Variants in PDILT observed in about 807,000 individuals in gnomAD.
The protein encoded by PDILT is protein disulfide isomerase like, testis expressed.
In PDILT, 43 loss-of-function variants were observed where a neutral mutation model predicts 53.7. The observed-to-expected ratio is 0.80, with a 90% CI of 0.63 to 1.03. The LOEUF (loss-of-function observed/expected upper bound fraction) is 1.03. PDILT is among the 50% of genes least tolerant of loss of function. The probability of loss-of-function intolerance (pLI) is 0.00; values close to 1 mark genes in which losing one functional copy is unlikely to be tolerated. For missense variants in PDILT, 727 were observed against 712.3 expected, an observed-to-expected ratio of 1.02 and a Z score of -0.24; for synonymous variants, 282 against 274.2, an observed-to-expected ratio of 1.03 and a Z score of -0.28.
Position 20,396,015 on chromosome 16 carries a change from A to G in PDILT, c.202+3084T>C, listed in dbSNP as rs552992173. ...AACACAAACAGACAAAGACATCACC[A>G]TTAGCAGATTCTTAATTACTTGTAG... On this transcript the variant is annotated intron_variant, in intron 2 of 11. Transcript: ENST00000302451. 2.6e-5 allele frequency among the ~76,000 whole-genome samples: 4 copies of G among 152,368 alleles called. No individual in the cohort carries two copies. The East Asian group carries it at 7.7e-4, about 29-fold the overall frequency.
At chr16:20,370,696 T>TA (rs991552996) in intron 7 of PDILT, among the ~76,000 whole-genome samples, 2 of 152,172 alleles carry the variant, frequency 1.3e-5, no homozygotes, top group Admixed American at 6.5e-5. Context: ...TAGGTATTCT[T>TA]AGTCACAGAA....
chr16:20,374,380 T>C (rs1054301075), intron 5 of PDILT, among the ~76,000 whole-genome samples: 1 of 152,166 alleles, frequency 6.6e-6, no homozygotes, highest in Admixed American at 6.6e-5. Flanking sequence ...GCATCATTCC[T>C]GGAGCAAGAG....
chr16:20,382,754 T>C (rs1966478089), intron 3 of PDILT, among the ~76,000 whole-genome samples: 1 of 152,004 alleles, frequency 6.6e-6, no homozygotes, highest in African/African-American at 2.4e-5. Flanking sequence ...CTTTTCACCA[T>C]CCCCATTTAA....
chr16:20,369,138 G>A (rs1966263181), intron 8 of PDILT, among the ~76,000 whole-genome samples: 1 of 152,188 alleles, frequency 6.6e-6, no homozygotes, highest in South Asian at 2.1e-4. Context: ...CTCAAAGCAA[G>A]CATCTACTCT....
At chr16:20,394,507 G>A (rs1966640106) in intron 2 of PDILT, among the ~76,000 whole-genome samples, 1 of 152,190 alleles carries the variant, frequency 6.6e-6, no homozygotes, top group Non-Finnish European at 1.5e-5. Flanking sequence ...CACGGCTATA[G>A]GGCAGTGATC....
intron 10 of PDILT, among the ~76,000 whole-genome samples, chr16:20,360,896 C>A (rs899785650): frequency 6.6e-6 from 1 of 152,156 alleles, no homozygotes; most frequent in South Asian, 2.1e-4. Flanking sequence ...CACAGCAAAG[C>A]CTTAAACTTT....
intron 8 of PDILT, among the ~76,000 whole-genome samples, chr16:20,367,059 CTTTCTT>C (rs1966217480): frequency 8.9e-6 from 1 of 111,904 alleles, no homozygotes; most frequent in African/African-American, 3.7e-5. Flanking sequence ...TTCTTTCTTT[CTTTCTT>C]TCTTTCTTTC....
rs781187521 is a variant in PDILT, at chr16:20,359,385, C to A, written c.1689G>T (p.Val563=). 3.1e-6 allele frequency: 5 copies of A among 1,614,136 alleles called. No homozygotes were observed. The Admixed American group carries it at 5.0e-5, about 16-fold the overall frequency. The change falls in exon 12 of 12, where the codon GTG becomes GTT. Residue 563 remains valine (V), a synonymous_variant. Coordinates refer to ENST00000302451, the MANE Select transcript of PDILT (RefSeq NM_174924.2). ...GKKKTSEEVV[V]VVAKPKGPPV... is the part of the protein sequence containing the mutation. Reference sequence around the variant, plus strand: ...GAGGTCCCTTTGGCTTAGCCACCACCACCACCACCTCCTCAGATGTTTTCT... The same window carrying A: ...GAGGTCCCTTTGGCTTAGCCACCACAACCACCACCTCCTCAGATGTTTTCT...
chr16:20,391,066 G>A (rs1389854914), intron 2 of PDILT: 1 of 153,318 alleles, frequency 6.5e-6, no homozygotes, highest in African/African-American at 2.4e-5. Context: ...CATCAGCATA[G>A]TTAATAATCA....
At position 20,365,466 on chromosome 16, in the gene PDILT, G is replaced by C; in HGVS notation, c.1191C>G (p.Phe397Leu). ...GLVKQLVGKN[F>L]NVVVFDKEKD... ...TTTCTTTGTCAAAGACGACTACGTT[G>C]AAGTTCTTCCCCACGAGCTGCTTAA... Residue 397 changes from phenylalanine (F) to leucine (L), a missense_variant, in exon 9 of 12, where the codon TTC becomes TTG. By Grantham distance (22) the Phe-to-Leu change is conservative. Transcript: ENST00000302451. 1 of 1,613,958 alleles carries C rather than the reference G, an allele frequency of 6.2e-7. No homozygotes were observed. Among genetic ancestry groups the C allele is most frequent in the Non-Finnish European group, 8.5e-7 (1 of 1,179,822 alleles).
chr16:20,361,228 C>T (rs1305348397), intron 10 of PDILT, among the ~76,000 whole-genome samples: 1 of 140,634 alleles, frequency 7.1e-6, no homozygotes, highest in Non-Finnish European at 1.5e-5. Context: ...GCTCTGTCAC[C>T]ATCCTGGAGT....
At chr16:20,395,638 T>C (rs1335848991) in intron 2 of PDILT, among the ~76,000 whole-genome samples, 2 of 152,192 alleles carry the variant, frequency 1.3e-5, no homozygotes, top group Admixed American at 1.3e-4. Context: ...TTAAATGTCA[T>C]GTTGAAATTT....
chr16:20,374,574 G>C (rs1338799691), intron 5 of PDILT, among the ~76,000 whole-genome samples: 1 of 152,160 alleles, frequency 6.6e-6, no homozygotes, highest in Non-Finnish European at 1.5e-5. Context: ...GCATGGAGTA[G>C]AAGAAAAGAG....
At chr16:20,387,947 A>T (rs1030773243) in intron 2 of PDILT, among the ~76,000 whole-genome samples, 2 of 152,204 alleles carry the variant, frequency 1.3e-5, no homozygotes, top group African/African-American at 4.8e-5. Context: ...CAGGTAGACC[A>T]GTCGGAGGCT....
chr16:20,376,046 T>C, intron 4 of PDILT, 22 bp downstream of exon 4: 3 of 1,613,702 alleles, frequency 1.9e-6, no homozygotes, highest in Non-Finnish European at 2.5e-6. Flanking sequence ...GAAAGCCTCC[T>C]CCCACCTCTT....
chr16:20,371,159 G>A (rs956758446), intron 7 of PDILT, among the ~76,000 whole-genome samples: 1 of 152,176 alleles, frequency 6.6e-6, no homozygotes, highest in African/African-American at 2.4e-5. Context: ...CACCATGAGG[G>A]AGAGAGACAA....
At chr16:20,365,852 G>A (rs1260374973) in intron 8 of PDILT, among the ~76,000 whole-genome samples, 1 of 152,106 alleles carries the variant, frequency 6.6e-6, no homozygotes, top group Admixed American at 6.5e-5. Flanking sequence ...GGAGGCCGAG[G>A]CGGGTGGATC....
intron 9 of PDILT, among the ~76,000 whole-genome samples, chr16:20,364,756 G>A (rs8052161): frequency 0.57 from 86,410 of 152,058 alleles, 25,340 homozygotes; most frequent in Middle Eastern, 0.62. Flanking sequence ...TAATTATAAT[G>A]ATAGGAATAA....
At chr16:20,366,934 T>A (rs73543340) in intron 8 of PDILT, among the ~76,000 whole-genome samples, 8,126 of 135,778 alleles carry the variant, frequency 0.06, 629 homozygotes, top group African/African-American at 0.18. Context: ...GAAACCAAAT[T>A]CTTTCCTTCC....
Sources: allele counts gnomAD v4.1 joint callset (sites outside exome capture counted in the v4.1 genomes callset), GRCh38; gene constraint gnomAD v4.1.1; transcripts MANE v1.5; gene names NCBI Gene and HGNC (gene_info 2026-07-23, HGNC 2026-07-21).